Variants in GLIS3 observed in about 807,000 individuals in gnomAD.
GLIS3 encodes the protein zinc finger protein GLIS3.
GLIS3 carries 53 observed loss-of-function variants against 78.6 expected under a neutral mutation model. That is an observed-to-expected ratio of 0.67 (90% CI 0.54 to 0.85). GLIS3 has a LOEUF of 0.85. Among genes scored for constraint, GLIS3 ranks in the 40% least tolerant of loss-of-function variants. The pLI is 0.00. For synonymous variants in GLIS3, 684 were observed against 509.9 expected, an observed-to-expected ratio of 1.34 and a Z score of -4.60; for missense variants, 1,703 against 1,231.1, an observed-to-expected ratio of 1.38 and a Z score of -5.74.
chr9:4,058,765 G>A (rs898461042), intron 4 of GLIS3, among the ~76,000 whole-genome samples: 1 of 152,174 alleles, frequency 6.6e-6, no homozygotes, highest in Non-Finnish European at 1.5e-5. Flanking sequence ...CGGATCACGA[G>A]GTCAGGAGAT....
intron 2 of GLIS3, among the ~76,000 whole-genome samples, chr9:4,186,708 G>A (rs1206774107): frequency 6.6e-6 from 1 of 151,776 alleles, no homozygotes; most frequent in Non-Finnish European, 1.5e-5. Flanking sequence ...GTGTGAGATG[G>A]TATCTCATTG....
intron 2 of GLIS3, among the ~76,000 whole-genome samples, chr9:4,250,023 G>C (rs1386337462): frequency 1.3e-5 from 2 of 152,220 alleles, no homozygotes; most frequent in Non-Finnish European, 2.9e-5. Flanking sequence ...CCGTTTGCCA[G>C]TATTTTATTG....
At chr9:4,337,178 C>T (rs917653565) in intron 2 of GLIS3, among the ~76,000 whole-genome samples, 1 of 152,156 alleles carries the variant, frequency 6.6e-6, no homozygotes, top group East Asian at 1.9e-4. Flanking sequence ...ATTAAAAGTG[C>T]AAATCATTTA....
intron 4 of GLIS3, among the ~76,000 whole-genome samples, chr9:4,058,358 A>C (rs1826320068): frequency 6.6e-6 from 1 of 152,144 alleles, no homozygotes. Flanking sequence ...CTCTGGGTTC[A>C]GAAATCACAG....
intron 4 of GLIS3, among the ~76,000 whole-genome samples, chr9:4,101,735 T>C (rs926956583): frequency 2.7e-5 from 4 of 150,926 alleles, no homozygotes; most frequent in African/African-American, 9.8e-5. Flanking sequence ...CTTGACATAG[T>C]TGTAGATCTC....
chr9:4,218,101 T>C (rs948196631), intron 2 of GLIS3, among the ~76,000 whole-genome samples: 2 of 152,206 alleles, frequency 1.3e-5, no homozygotes, highest in Non-Finnish European at 2.9e-5. Context: ...TCCACAATCT[T>C]ATCCATCTAC....
chr9:3,932,285 C>T (rs974090921), intron 6 of GLIS3, 75 bp downstream of exon 6: 1 of 1,155,578 alleles, frequency 8.7e-7, no homozygotes, highest in South Asian at 1.2e-5. Flanking sequence ...TTCAAGTGCC[C>T]TGCAGAAGCT....
the GLIS3 span, among the ~76,000 whole-genome samples, chr9:4,387,497 T>G: frequency 6.6e-6 from 1 of 152,194 alleles, no homozygotes; most frequent in Non-Finnish European, 1.5e-5. Flanking sequence ...CTATATGACA[T>G]TCTAGAGATG....
At chr9:3,938,863 C>T (rs1021241286) in intron 4 of GLIS3, among the ~76,000 whole-genome samples, 1 of 152,128 alleles carries the variant, frequency 6.6e-6, no homozygotes, top group African/African-American at 2.4e-5. Flanking sequence ...TTTCAAGTGA[C>T]TCTCAAATTT....
chr9:4,244,405 TGTTA>T (rs1823605385), intron 2 of GLIS3, among the ~76,000 whole-genome samples: 1 of 152,244 alleles, frequency 6.6e-6, no homozygotes, highest in South Asian at 2.1e-4. Context: ...AGGCGTATGC[TGTTA>T]GTATTTACAT....
At chr9:4,029,541 AT>A (rs1041258832) in intron 4 of GLIS3, among the ~76,000 whole-genome samples, 2 of 152,116 alleles carry the variant, frequency 1.3e-5, no homozygotes, top group African/African-American at 4.8e-5. Flanking sequence ...AGTAGGTCTT[AT>A]GCATTCTTTC....
At position 3,841,042 on chromosome 9, in the gene GLIS3, A is replaced by T. The variant is rs921740468; in HGVS notation, c.2474-11550T>A. Among the ~76,000 whole-genome samples, 6 of 152,320 alleles carry T rather than the reference A, an allele frequency of 3.9e-5. No individual in the cohort carries two copies. In the East Asian group the frequency reaches 1.2e-3, roughly 29 times the overall value. Reference sequence around the variant, plus strand: ...ATGGGAACGGGCAGAGCAGGTGGCTAAAAGCGACAATAGGGAAATAGGGGG... The same window carrying T: ...ATGGGAACGGGCAGAGCAGGTGGCTTAAAGCGACAATAGGGAAATAGGGGG... On this transcript the variant is annotated intron_variant, in intron 9 of 10. Coordinates refer to ENST00000381971, the MANE Select transcript of GLIS3 (RefSeq NM_001042413.2).
intron 2 of GLIS3, among the ~76,000 whole-genome samples, chr9:4,155,650 G>C (rs147717713): frequency 2.6e-5 from 4 of 152,174 alleles, no homozygotes; most frequent in African/African-American, 4.8e-5. Context: ...GCCAGGTACA[G>C]TGTCTACTTC....
chr9:3,876,493 T>G (rs1044953240), intron 8 of GLIS3, among the ~76,000 whole-genome samples: 1 of 150,018 alleles, frequency 6.7e-6, no homozygotes, highest in Non-Finnish European at 1.5e-5. Flanking sequence ...TGAGTATGAT[T>G]ATTATATTGG....
intron 7 of GLIS3, among the ~76,000 whole-genome samples, chr9:3,892,788 C>G (rs181131319): frequency 1.3e-3 from 200 of 152,196 alleles, no homozygotes; most frequent in African/African-American, 4.7e-3. Context: ...GCAGTCTGGT[C>G]TATAACCTCT....
the GLIS3 span, among the ~76,000 whole-genome samples, chr9:4,398,299 G>C: frequency 6.6e-6 from 1 of 151,914 alleles, no homozygotes; most frequent in Middle Eastern, 3.4e-3. Context: ...TATGATCCCT[G>C]AATTAGCAGC....
intron 4 of GLIS3, among the ~76,000 whole-genome samples, chr9:4,045,366 C>T (rs1436018599): frequency 5.3e-5 from 8 of 151,994 alleles, no homozygotes; most frequent in African/African-American, 1.5e-4. Flanking sequence ...GCCGGAATCT[C>T]GCTCTATCAC....
intron 4 of GLIS3, among the ~76,000 whole-genome samples, chr9:4,013,333 T>C (rs1822186061): frequency 6.6e-6 from 1 of 152,154 alleles, no homozygotes; most frequent in Non-Finnish European, 1.5e-5. Flanking sequence ...GTCTTCCTTG[T>C]ATATTTTCTT....
intron 2 of GLIS3, among the ~76,000 whole-genome samples, chr9:4,131,651 C>G (rs1250436365): frequency 6.6e-6 from 1 of 152,128 alleles, no homozygotes; most frequent in East Asian, 1.9e-4. Flanking sequence ...TGAGGCCACC[C>G]CAAATACTGT....
Sources: allele counts gnomAD v4.1 joint callset (sites outside exome capture counted in the v4.1 genomes callset), GRCh38; gene constraint gnomAD v4.1.1; transcripts MANE v1.5; gene names NCBI Gene and HGNC (gene_info 2026-07-23, HGNC 2026-07-21).